The following KIF16B variants were observed in gnomAD, a reference collection of about 807,000 sequenced individuals.
KIF16B encodes the protein kinesin-like protein KIF16B.
A neutral mutation model predicts 156.3 loss-of-function variants in KIF16B; 98 were observed. That is an observed-to-expected ratio of 0.63 (90% CI 0.53 to 0.74). KIF16B has a LOEUF of 0.74. Among genes scored for constraint, KIF16B ranks in the 30% least tolerant of loss-of-function variants. The probability of loss-of-function intolerance (pLI) is 0.00; values close to 1 mark genes in which losing one functional copy is unlikely to be tolerated. For missense variants in KIF16B, 1,421 were observed against 1,606.5 expected (o/e 0.88, Z 1.97); for synonymous variants, 564 against 583.7 (o/e 0.97, Z 0.49).
chr20:16,534,531 CTGTT>C (rs985323179), intron 1 of KIF16B, among the ~76,000 whole-genome samples: 5 of 152,138 alleles, frequency 3.3e-5, no homozygotes, highest in African/African-American at 1.2e-4. Flanking sequence ...CCCCTTCTGT[CTGTT>C]TTTGGTTTTG....
At chr20:16,496,016 A>G (rs2068442997) in intron 11 of KIF16B, among the ~76,000 whole-genome samples, 1 of 151,492 alleles carries the variant, frequency 6.6e-6, no homozygotes, top group African/African-American at 2.4e-5. Flanking sequence ...GTGTGGTAAG[A>G]CTGTCCTGAT....
At chr20:16,541,709 T>C (rs2070207537) in intron 1 of KIF16B, among the ~76,000 whole-genome samples, 2 of 152,164 alleles carry the variant, frequency 1.3e-5, no homozygotes, top group Admixed American at 1.3e-4. Context: ...TTAAGTTATG[T>C]CTTTGGGATC....
chr20:16,367,325 G>A, intron 22 of KIF16B: 1 of 1,612,872 alleles, frequency 6.2e-7, no homozygotes, highest in South Asian at 1.1e-5. Context: ...CCCACTGAAG[G>A]TTTGAGTTTC....
intron 15 of KIF16B, among the ~76,000 whole-genome samples, chr20:16,409,966 TATAC>T (rs1345267652): frequency 0.026 from 766 of 29,988 alleles, 77 homozygotes; most frequent in East Asian, 0.057. Flanking sequence ...TATATATATA[TATAC>T]ATATATATAT....
In KIF16B at chr20:16,352,064, C is replaced by T. The variant is rs184398463; in HGVS notation, c.3621+4266G>A. ...TCTCCATGGTTTGCTAGAGCAGACA[C>T]GACTAATCTGTAGGTGCAGAGGGCA... On this transcript the variant is annotated intron_variant, in intron 23 of 25. Coordinates refer to ENST00000354981, the MANE Select transcript of KIF16B (RefSeq NM_024704.5). Among the ~76,000 whole-genome samples, 216 of 152,290 alleles carry T rather than the reference C, an allele frequency of 1.4e-3. 1 individual carries two copies. The highest frequency in any genetic ancestry group is 2.5e-3 in the Non-Finnish European group (170 of 68,030).
intron 1 of KIF16B, among the ~76,000 whole-genome samples, chr20:16,533,118 G>T (rs921410910): frequency 6.6e-6 from 1 of 152,178 alleles, no homozygotes; most frequent in African/African-American, 2.4e-5. Context: ...GGTAGGTTTT[G>T]AAGGTTTCAC....
chr20:16,273,255 AC>A lies in KIF16B; in HGVS notation c.3951del (p.Ter1318ArgfsTer69), dbSNP rs1173684135. 6.2e-7 allele frequency: 1 copy of A among 1,613,698 alleles called. No individual in the cohort carries two copies. Among genetic ancestry groups the A allele is most frequent in the South Asian group, 1.1e-5 (1 of 91,052 alleles). ...TGGTTCCTCCATCACCCCTGGCTCT[AC>A]CCCGTCCCGTGGCTGCTGTAGTCAA... ...GVFDYSSHGTG is the reference protein window; with the variant it reads ...GVFDYSSHGTX On this transcript the variant is annotated frameshift_variant, in exon 26 of 26. Transcript: ENST00000354981. LOFTEE classifies it high-confidence loss of function.
chr20:16,529,674 G>A (rs888551813), intron 1 of KIF16B, among the ~76,000 whole-genome samples: 8 of 152,120 alleles, frequency 5.3e-5, no homozygotes, highest in African/African-American at 9.7e-5. Context: ...AGTCCTGGCC[G>A]AGCACGGTGG....
In KIF16B at chr20:16,573,338, C is replaced by A; in HGVS notation, c.-63G>T. 6.4e-7 allele frequency: 1 copy of A among 1,569,120 alleles called. No individual in the cohort carries two copies. Among genetic ancestry groups the A allele is most frequent in the Non-Finnish European group, 8.7e-7 (1 of 1,148,664 alleles). ...CCCAGAACTCCGCGGTCGCCGGCGA[C>A]GCTGGCTACTCAGATCGCGGCTCCC... On this transcript the variant is annotated 5_prime_UTR_variant, in exon 1 of 26. Transcript: ENST00000354981.
intron 13 of KIF16B, 28 bp downstream of exon 13, chr20:16,429,835 T>A (rs376995579): frequency 6.3e-7 from 1 of 1,590,190 alleles, no homozygotes; most frequent in Non-Finnish European, 8.5e-7. Context: ...GAAACAAAAT[T>A]AGAATGTTCC....
intron 19 of KIF16B, among the ~76,000 whole-genome samples, chr20:16,376,708 G>A (rs1426652149): frequency 1.3e-5 from 2 of 152,152 alleles, no homozygotes; most frequent in African/African-American, 2.4e-5. Flanking sequence ...GCAATACTGT[G>A]TCTGCTATTA....
intron 12 of KIF16B, among the ~76,000 whole-genome samples, chr20:16,489,632 G>C (rs1365518697): frequency 6.6e-6 from 1 of 151,674 alleles, no homozygotes; most frequent in Non-Finnish European, 1.5e-5. Context: ...AGGAAGTTGA[G>C]ACTGCAGTGA....
At chr20:16,569,203 T>C (rs1323879792) in intron 1 of KIF16B, among the ~76,000 whole-genome samples, 1 of 152,166 alleles carries the variant, frequency 6.6e-6, no homozygotes, top group Non-Finnish European at 1.5e-5. Context: ...GAGAAGTAAA[T>C]GCTTGTTGTT....
chr20:16,558,005 A>C (rs1335578602), intron 1 of KIF16B, among the ~76,000 whole-genome samples: 1 of 152,230 alleles, frequency 6.6e-6, no homozygotes, highest in South Asian at 2.1e-4. Context: ...TAAGTGCTGT[A>C]AACGAGGAAA....
Position 16,430,759 on chromosome 20 carries a change from A to G in KIF16B, c.1303-777T>C, listed in dbSNP as rs376070436. On this transcript the variant is annotated intron_variant, in intron 12 of 25. Coordinates refer to ENST00000354981, the MANE Select transcript of KIF16B (RefSeq NM_024704.5). ...TTGACCTGCCATCTAGATGCTGATGACTCTCAAATTGCATCTCCAGGGCAG... is the reference window on the plus strand; with the variant it reads ...TTGACCTGCCATCTAGATGCTGATGGCTCTCAAATTGCATCTCCAGGGCAG... 2.7e-5 allele frequency among the ~76,000 whole-genome samples: 4 copies of G among 150,936 alleles called. No individual in the cohort carries two copies. The South Asian group carries it at 8.4e-4, about 32-fold the overall frequency.
At chr20:16,405,916 T>C (rs577946386) in intron 16 of KIF16B, among the ~76,000 whole-genome samples, 1 of 152,164 alleles carries the variant, frequency 6.6e-6, no homozygotes, top group Admixed American at 6.5e-5. Flanking sequence ...CCTTTAGACG[T>C]CCCCTTCCAA....
chr20:16,355,456 G>T (rs1017024914), intron 23 of KIF16B, among the ~76,000 whole-genome samples: 1 of 152,178 alleles, frequency 6.6e-6, no homozygotes, highest in Admixed American at 6.5e-5. Flanking sequence ...ACAGTCTACA[G>T]AACTCAGTGT....
intron 3 of KIF16B, among the ~76,000 whole-genome samples, chr20:16,523,830 A>T (rs1440930537): frequency 1.3e-5 from 2 of 152,214 alleles, no homozygotes; most frequent in Non-Finnish European, 2.9e-5. Flanking sequence ...ACTGATATCA[A>T]AACAGATATA....
At chr20:16,311,226 C>T (rs552583424) in intron 25 of KIF16B, among the ~76,000 whole-genome samples, 28 of 152,342 alleles carry the variant, frequency 1.8e-4, no homozygotes, top group Admixed American at 7.8e-4. Flanking sequence ...CAGTGGCTCA[C>T]GCCTGTGATG....
Sources: allele counts gnomAD v4.1 joint callset (sites outside exome capture counted in the v4.1 genomes callset), GRCh38; gene constraint gnomAD v4.1.1; transcripts MANE v1.5; gene names NCBI Gene and HGNC (gene_info 2026-07-23, HGNC 2026-07-21).